The following CDK8 variants were observed in gnomAD, a reference collection of about 807,000 sequenced individuals.
CDK8 encodes cyclin dependent kinase 8.
CDK8 carries 29 observed loss-of-function variants against 71.5 expected under a neutral mutation model. The ratio of observed to expected loss-of-function variants is 0.41; its 90% CI spans 0.30 to 0.55. The LOEUF (loss-of-function observed/expected upper bound fraction) is 0.55. Among genes scored for constraint, CDK8 ranks in the 20% least tolerant of loss-of-function variants. CDK8 has a pLI of 0.37. For missense variants in CDK8, 288 were observed against 572.6 expected (o/e 0.50, Z 5.07); for synonymous variants, 161 against 192.1 (o/e 0.84, Z 1.34).
intron 1 of CDK8, among the ~76,000 whole-genome samples, chr13:26,325,790 T>C (rs1301808032): frequency 1.3e-5 from 2 of 152,208 alleles, no homozygotes; most frequent in African/African-American, 4.8e-5. Context: ...TTTCACTTTC[T>C]CATTCCCTCC....
At chr13:26,281,465 A>G (rs1303078845) in intron 1 of CDK8, among the ~76,000 whole-genome samples, 1 of 140,592 alleles carries the variant, frequency 7.1e-6, no homozygotes, top group African/African-American at 3.0e-5. Context: ...CCAACGTGGT[A>G]CAAAAGAATC....
At chr13:26,280,723 A>G (rs1342167934) in intron 1 of CDK8, among the ~76,000 whole-genome samples, 1 of 152,194 alleles carries the variant, frequency 6.6e-6, no homozygotes, top group African/African-American at 2.4e-5. Context: ...TATAAAATGT[A>G]TACACAGCTT....
intron 4 of CDK8, among the ~76,000 whole-genome samples, chr13:26,373,327 A>G (rs759936718): frequency 6.6e-6 from 1 of 152,138 alleles, no homozygotes. Context: ...GTTACCCACT[A>G]TGACATGCCA....
rs1871443813 is a variant in CDK8 at position 26,254,811 on chromosome 13, C to A, written c.128+42C>A. 6.2e-7 allele frequency: 1 copy of A among 1,600,044 alleles called. No homozygotes were observed. Among genetic ancestry groups the A allele is most frequent in the Admixed American group, 1.7e-5 (1 of 59,186 alleles). On this transcript the variant is annotated intron_variant, in intron 1 of 12. Coordinates refer to ENST00000381527, the MANE Select transcript of CDK8 (RefSeq NM_001260.3). This position sits in a 1 kb window ranked among gnomAD's most constrained non-coding sequence, Gnocchi z 6.7. The stretch of plus-strand genomic sequence containing the variant: ...GGGCCGGTGTCCGCGCTGGGCGGCG[C>A]TCCCGCAGGCCGAGGCAGGTAGCCC...
At chr13:26,368,406 T>G (rs1485765894) in intron 4 of CDK8, among the ~76,000 whole-genome samples, 1 of 152,218 alleles carries the variant, frequency 6.6e-6, no homozygotes, top group Non-Finnish European at 1.5e-5. Context: ...GACTGATATA[T>G]TCAAAATCTT....
chr13:26,303,538 G>A (rs1209498364), intron 1 of CDK8, among the ~76,000 whole-genome samples: 1 of 152,076 alleles, frequency 6.6e-6, no homozygotes, highest in Non-Finnish European at 1.5e-5. Context: ...CTGACCTCAG[G>A]TGGTGTGAGC....
intron 1 of CDK8, among the ~76,000 whole-genome samples, chr13:26,318,581 C>A (rs1488664009): frequency 6.6e-6 from 1 of 152,162 alleles, no homozygotes; most frequent in Non-Finnish European, 1.5e-5. Context: ...GGATTATATT[C>A]TATGACCAAG....
intron 2 of CDK8, among the ~76,000 whole-genome samples, chr13:26,346,237 G>T (rs183485069): frequency 6.6e-6 from 1 of 152,304 alleles, no homozygotes; most frequent in African/African-American, 2.4e-5. Flanking sequence ...ATGATTAAAT[G>T]AGATAATACA....
At chr13:26,359,566 G>A (rs1874043870) in intron 4 of CDK8, 1 of 188,450 alleles carries the variant, frequency 5.3e-6, no homozygotes, top group Admixed American at 6.2e-5. Context: ...TATCTGAACT[G>A]TTTCTGAAAA....
At chr13:26,336,304 G>A (rs1388303148) in intron 1 of CDK8, among the ~76,000 whole-genome samples, 1 of 152,086 alleles carries the variant, frequency 6.6e-6, no homozygotes, top group Non-Finnish European at 1.5e-5. Context: ...AGTGCCTAGT[G>A]GATTTCTTTC....
chr13:26,377,321 A>G (rs1875001746), intron 4 of CDK8, among the ~76,000 whole-genome samples: 1 of 152,180 alleles, frequency 6.6e-6, no homozygotes, highest in African/African-American at 2.4e-5. Flanking sequence ...CCATTCCTGA[A>G]TTTATCTCAC....
intron 1 of CDK8, among the ~76,000 whole-genome samples, chr13:26,293,572 C>T (rs1873401179): frequency 1.4e-5 from 2 of 143,264 alleles, no homozygotes; most frequent in Admixed American, 7.3e-5. Flanking sequence ...ATCACTGACT[C>T]CAGCCTGGGC....
At chr13:26,334,259 C>T (rs1872883777) in intron 1 of CDK8, among the ~76,000 whole-genome samples, 1 of 152,040 alleles carries the variant, frequency 6.6e-6, no homozygotes. Context: ...ATGGGTAAAT[C>T]TTTAGTTTAA....
At chr13:26,301,907 T>A (rs1218624269) in intron 1 of CDK8, among the ~76,000 whole-genome samples, 2 of 152,204 alleles carry the variant, frequency 1.3e-5, no homozygotes, top group Admixed American at 1.3e-4. Flanking sequence ...TTTTGTTCAG[T>A]GAGAAGTTGG....
At chr13:26,288,003 C>T (rs1375977086) in intron 1 of CDK8, among the ~76,000 whole-genome samples, 2 of 152,172 alleles carry the variant, frequency 1.3e-5, no homozygotes, top group Non-Finnish European at 2.9e-5. Flanking sequence ...CACTCTATCG[C>T]CCAGGCTGGA....
At chr13:26,301,311 C>T (rs1873816341) in intron 1 of CDK8, among the ~76,000 whole-genome samples, 1 of 149,502 alleles carries the variant, frequency 6.7e-6, no homozygotes, top group Admixed American at 6.7e-5. Flanking sequence ...TAATCAATGT[C>T]CAAATTAGCT....
chr13:26,396,109 A>G (rs1565998856), intron 7 of CDK8, 176 bp from the exon 8 acceptor site: 3 of 334,554 alleles, frequency 9.0e-6, no homozygotes, highest in Non-Finnish European at 1.7e-5. Flanking sequence ...TATAAGGGAT[A>G]AGGAATTATG....
chr13:26,319,697 T>C (rs945397628), intron 1 of CDK8, among the ~76,000 whole-genome samples: 3 of 151,430 alleles, frequency 2.0e-5, no homozygotes, highest in African/African-American at 7.3e-5. Flanking sequence ...TTTTTTTTTT[T>C]TGCATAAAAA....
At chr13:26,393,042 A>G (rs1432829694) in intron 6 of CDK8, among the ~76,000 whole-genome samples, 3 of 152,178 alleles carry the variant, frequency 2.0e-5, no homozygotes, top group African/African-American at 7.2e-5. Flanking sequence ...AAAAGGTATC[A>G]CCTGGACATT....
Sources: allele counts gnomAD v4.1 joint callset (sites outside exome capture counted in the v4.1 genomes callset), GRCh38; gene constraint gnomAD v4.1.1; non-coding constraint Gnocchi (gnomAD v3.1); transcripts MANE v1.5; gene names NCBI Gene and HGNC (gene_info 2026-07-23, HGNC 2026-07-21).